GLYATL1: variants seen among roughly 807,000 people sequenced by gnomAD.
GLYATL1 encodes glycine-N-acyltransferase like 1.
In GLYATL1, 15 loss-of-function variants were observed where a neutral mutation model predicts 20.0. The observed-to-expected ratio is 0.75, with a 90% CI of 0.50 to 1.15. The LOEUF is 1.15. Ranked by LOEUF, GLYATL1 falls within the 50% of genes most tolerant of loss-of-function variation. The probability of loss-of-function intolerance (pLI) is 0.00; values close to 1 mark genes in which losing one functional copy is unlikely to be tolerated. For synonymous variants in GLYATL1, 151 were observed against 131.5 expected, an observed-to-expected ratio of 1.15 and a Z score of -1.01; for missense variants, 380 against 368.5, an observed-to-expected ratio of 1.03 and a Z score of -0.26.
chr11:58,955,376 T>A lies in GLYATL1; in HGVS notation c.491+23T>A, dbSNP rs190163406. On this transcript the variant is annotated intron_variant, in intron 6 of 6. Coordinates refer to ENST00000532726, the MANE Select transcript of GLYATL1 (RefSeq NM_001389712.2). ...AAGGTACAAAAACATGTGCTGATCA[T>A]TTATAATTGCGATTCCTTGTACATT... is the stretch of plus-strand genomic sequence containing the variant. 6.0e-5 allele frequency: 95 copies of A among 1,591,466 alleles called. 1 individual carries two copies. In the Admixed American group the frequency reaches 1.4e-3, roughly 23 times the overall value.
chr11:58,945,894 C>T (rs1022187950), intron 2 of GLYATL1, among the ~76,000 whole-genome samples: 1 of 152,156 alleles, frequency 6.6e-6, no homozygotes, highest in Non-Finnish European at 1.5e-5. Context: ...CTTCATCTAG[C>T]TACAGAACAT....
chr11:58,926,216 G>T (rs1855424219), upstream of GLYATL1, among the ~76,000 whole-genome samples: 1 of 152,120 alleles, frequency 6.6e-6, no homozygotes, highest in African/African-American at 2.4e-5. Context: ...AATTGTTGTA[G>T]CCAGCCTCTG....
chr11:58,945,194 G>T (rs970457513), intron 2 of GLYATL1, among the ~76,000 whole-genome samples: 1 of 152,030 alleles, frequency 6.6e-6, no homozygotes, highest in South Asian at 2.1e-4. Flanking sequence ...TGCATTGTAC[G>T]CTTAAAAATG....
At chr11:58,922,574 A>G (rs1243578797) in intron 1 of GLYATL1, among the ~76,000 whole-genome samples, 1 of 152,120 alleles carries the variant, frequency 6.6e-6, no homozygotes, top group Non-Finnish European at 1.5e-5. Context: ...GACTGGGGAC[A>G]TGTATCCATT....
intron 1 of GLYATL1, among the ~76,000 whole-genome samples, chr11:58,930,722 G>A (rs57426705): frequency 0.037 from 5,571 of 152,240 alleles, 316 homozygotes; most frequent in African/African-American, 0.12. Context: ...ACACAAAAAT[G>A]TGACATAAGT....
chr11:58,935,008 G>C (rs573248699), upstream of GLYATL1: 1 of 152,616 alleles, frequency 6.6e-6, no homozygotes, highest in African/African-American at 2.4e-5. Flanking sequence ...ATGGACACTG[G>C]CATGGTGACT....
At chr11:58,908,547 G>T in exon 2 of GLYATL1, 1 of 207,556 alleles carries the variant, frequency 4.8e-6, no homozygotes. Context: ...AAGTTTCAAA[G>T]GCATATCTAC....
At position 58,947,182 on chromosome 11, in the gene GLYATL1, A is replaced by G. The variant is rs1350985513; in HGVS notation, c.78+17A>G. ...TCCCTGAAGGTCAGGGAACAGTGGG[A>G]GGTCAGGGTATGGGAGTAGGGGTGT... is the stretch of plus-strand genomic sequence containing the variant. On this transcript the variant is annotated intron_variant, in intron 3 of 6. Coordinates refer to ENST00000532726, the MANE Select transcript of GLYATL1 (RefSeq NM_001389712.2). The G allele has an allele frequency of 1.9e-6, 3 of 1,612,670 alleles. No individual in the cohort carries two copies. Among genetic ancestry groups the G allele is most frequent in the Non-Finnish European group, 2.5e-6 (3 of 1,179,594 alleles).
intron 1 of GLYATL1, chr11:58,942,426 G>A (rs1176560114): frequency 1.3e-5 from 2 of 152,174 alleles, no homozygotes; most frequent in African/African-American, 4.8e-5. Context: ...AAATGTGAGA[G>A]GCCATGAAGA....
At chr11:58,905,910 T>A (rs535017238) in intron 1 of GLYATL1, among the ~76,000 whole-genome samples, 1 of 152,280 alleles carries the variant, frequency 6.6e-6, no homozygotes, top group East Asian at 1.9e-4. Flanking sequence ...TTCCATCCAA[T>A]GAGAGAAAAC....
At chr11:58,949,042 TA>T (rs1217604041) in intron 4 of GLYATL1, among the ~76,000 whole-genome samples, 1 of 152,200 alleles carries the variant, frequency 6.6e-6, no homozygotes, top group Non-Finnish European at 1.5e-5. Flanking sequence ...CACATAACTG[TA>T]AATAGTGTTT....
intron 4 of GLYATL1, among the ~76,000 whole-genome samples, chr11:58,951,945 G>A (rs1857025321): frequency 6.6e-6 from 1 of 151,912 alleles, no homozygotes; most frequent in Non-Finnish European, 1.5e-5. Context: ...GTGTAATACT[G>A]TAATCTACAA....
downstream of GLYATL1, among the ~76,000 whole-genome samples, chr11:58,910,271 G>A (rs1590765000): frequency 6.6e-6 from 1 of 152,200 alleles, no homozygotes; most frequent in East Asian, 1.9e-4. Flanking sequence ...GTAAATAAAG[G>A]AGACGTGTTT....
intron 1 of GLYATL1, among the ~76,000 whole-genome samples, chr11:58,939,876 AT>A (rs1399583617): frequency 6.6e-6 from 1 of 152,088 alleles, no homozygotes. Context: ...GCTCCTCTCC[AT>A]TTGAGAAATT....
intron 4 of GLYATL1, among the ~76,000 whole-genome samples, chr11:58,948,621 A>G (rs1218920858): frequency 1.3e-5 from 2 of 152,094 alleles, no homozygotes; most frequent in Non-Finnish European, 2.9e-5. Flanking sequence ...AGCCTGGGCA[A>G]CAGAGTGAGA....
intron 1 of GLYATL1, among the ~76,000 whole-genome samples, chr11:58,915,318 C>T (rs1335501287): frequency 2.6e-5 from 4 of 152,190 alleles, no homozygotes; most frequent in Non-Finnish European, 4.4e-5. Context: ...GAAAGTCCAT[C>T]CCACAGAGTT....
At chr11:58,930,893 T>C (rs569484945) in intron 1 of GLYATL1, among the ~76,000 whole-genome samples, 2 of 152,324 alleles carry the variant, frequency 1.3e-5, no homozygotes, top group East Asian at 3.9e-4. Context: ...GGTGTGAATC[T>C]TTGCATCCCC....
intron 1 of GLYATL1, chr11:58,934,444 G>A (rs540686088): frequency 6.5e-6 from 1 of 152,720 alleles, no homozygotes; most frequent in South Asian, 2.1e-4. Flanking sequence ...GACCATAGGT[G>A]CTAGACTGGT....
chr11:58,914,394 G>T (rs1259922984), intron 1 of GLYATL1, among the ~76,000 whole-genome samples: 1 of 152,226 alleles, frequency 6.6e-6, no homozygotes, highest in African/African-American at 2.4e-5. Flanking sequence ...ATACATGGGA[G>T]TCAGCAGTAG....
Sources: gnomAD v4.1 joint callset for allele counts (sites outside exome capture counted in the v4.1 genomes callset) on GRCh38, gnomAD v4.1.1 for gene constraint, MANE v1.5 for transcripts, NCBI Gene and HGNC (gene_info 2026-07-23, HGNC 2026-07-21) for gene names.